The following GRID2 variants were observed in gnomAD, a reference collection of about 807,000 sequenced individuals.
GRID2 encodes the protein glutamate ionotropic receptor delta type subunit 2, also known as glutamate receptor ionotropic, delta-2.
GRID2 carries 33 observed loss-of-function variants against 114.8 expected under a neutral mutation model. The ratio of observed to expected loss-of-function variants is 0.29; its 90% CI spans 0.22 to 0.38. The LOEUF is 0.38. Among genes scored for constraint, GRID2 ranks in the 10% least tolerant of loss-of-function variants. The pLI is 1.00. For missense variants in GRID2, 1,184 were observed against 1,257.7 expected (o/e 0.94, Z 0.89); for synonymous variants, 505 against 449.9 (o/e 1.12, Z -1.55).
At chr4:93,125,710 A>G (rs1405454180) in intron 4 of GRID2, among the ~76,000 whole-genome samples, 1 of 152,194 alleles carries the variant, frequency 6.6e-6, no homozygotes, top group Non-Finnish European at 1.5e-5. Flanking sequence ...TGTAAGAAGT[A>G]GGTGAACACT....
chr4:92,398,443 G>C (rs560402008), intron 1 of GRID2, among the ~76,000 whole-genome samples: 5 of 152,156 alleles, frequency 3.3e-5, no homozygotes, highest in African/African-American at 1.2e-4. Context: ...TGGGACTACA[G>C]GGGTACACCA....
chr4:93,417,946 C>A (rs1767886636), intron 9 of GRID2, among the ~76,000 whole-genome samples: 1 of 150,394 alleles, frequency 6.6e-6, no homozygotes, highest in Admixed American at 6.7e-5. Context: ...GTTTGGTGCC[C>A]AGTATTCTTT....
chr4:92,857,170 C>A (rs1189691317), intron 2 of GRID2, among the ~76,000 whole-genome samples: 1 of 152,044 alleles, frequency 6.6e-6, no homozygotes, highest in African/African-American at 2.4e-5. Flanking sequence ...TTTCTTGAGA[C>A]AAAACAAGGT....
intron 1 of GRID2, among the ~76,000 whole-genome samples, chr4:92,441,951 G>T (rs1438559691): frequency 2.0e-5 from 3 of 151,750 alleles, no homozygotes; most frequent in Admixed American, 1.3e-4. Flanking sequence ...TAAGGGAACT[G>T]GGCAGGTGGG....
Position 93,326,701 on chromosome 4 carries a change from T to C in GRID2, c.1246-68906T>C, listed in dbSNP as rs74321196. On this transcript the variant is annotated intron_variant, in intron 8 of 15. Transcript: ENST00000282020. ...TACACCTCATGCTTCTTTATATGCT[T>C]TTGATCCCAGCTATTTTCTTCTGTT... is the stretch of plus-strand genomic sequence containing the variant. Among the ~76,000 whole-genome samples, 10 of 152,264 alleles carry C rather than the reference T, an allele frequency of 6.6e-5. No individual in the cohort carries two copies. The East Asian group carries it at 1.9e-3, about 29-fold the overall frequency.
chr4:92,860,654 A>G (rs1404623566), intron 2 of GRID2, among the ~76,000 whole-genome samples: 1 of 152,162 alleles, frequency 6.6e-6, no homozygotes, highest in Non-Finnish European at 1.5e-5. Context: ...GTTGAAAATG[A>G]GAGGAAAAGT....
At chr4:93,397,907 A>G (rs1445823420) in intron 9 of GRID2, among the ~76,000 whole-genome samples, 3 of 151,372 alleles carry the variant, frequency 2.0e-5, no homozygotes, top group African/African-American at 7.3e-5. Flanking sequence ...TTTTTTCCTA[A>G]TATTTTTGAG....
At chr4:92,305,329 G>A (rs1198753924) in intron 1 of GRID2, among the ~76,000 whole-genome samples, 1 of 152,140 alleles carries the variant, frequency 6.6e-6, no homozygotes, top group Admixed American at 6.5e-5. Flanking sequence ...TGATCCTTGC[G>A]TGTAGTCTTT....
At chr4:93,321,882 G>A (rs548592651) in intron 8 of GRID2, among the ~76,000 whole-genome samples, 11 of 151,474 alleles carry the variant, frequency 7.3e-5, no homozygotes, top group Middle Eastern at 3.4e-3. Context: ...CAATTAAAGC[G>A]TTGTTACTTA....
intron 10 of GRID2, among the ~76,000 whole-genome samples, chr4:93,425,789 G>A (rs369614176): frequency 7.9e-5 from 12 of 152,166 alleles, no homozygotes; most frequent in African/African-American, 2.4e-4. Flanking sequence ...GAGCTCTGTC[G>A]ACCCCATCCC....
intron 2 of GRID2, among the ~76,000 whole-genome samples, chr4:93,006,698 G>A (rs1721569710): frequency 6.6e-6 from 1 of 151,006 alleles, no homozygotes; most frequent in South Asian, 2.1e-4. Flanking sequence ...ACAAGACAAT[G>A]TTCATGAAGA....
At chr4:92,630,105 C>T (rs1449668533) in intron 2 of GRID2, among the ~76,000 whole-genome samples, 1 of 151,808 alleles carries the variant, frequency 6.6e-6, no homozygotes, top group Non-Finnish European at 1.5e-5. Flanking sequence ...TGTCTATGTT[C>T]CCACTGTGAA....
At chr4:93,702,929 G>A (rs1393761371) in intron 14 of GRID2, among the ~76,000 whole-genome samples, 2 of 152,056 alleles carry the variant, frequency 1.3e-5, no homozygotes, top group Non-Finnish European at 2.9e-5. Flanking sequence ...GGAATAAAGA[G>A]TGCTAGAATA....
chr4:92,528,029 C>G (rs780938379), intron 1 of GRID2, among the ~76,000 whole-genome samples: 35 of 151,964 alleles, frequency 2.3e-4, no homozygotes, highest in Non-Finnish European at 4.9e-4. Context: ...TAATTTGAAT[C>G]ACTGAATTTT....
At chr4:93,775,404 C>T (rs1355008237), downstream of GRID2, among the ~76,000 whole-genome samples, 1 of 152,180 alleles carries the variant, frequency 6.6e-6, no homozygotes, top group African/African-American at 2.4e-5. Flanking sequence ...TAGGCTCCAC[C>T]TTCTCCTCTC....
intron 14 of GRID2, among the ~76,000 whole-genome samples, chr4:93,725,617 C>T (rs1159909969): frequency 1.3e-5 from 2 of 149,880 alleles, no homozygotes; most frequent in Non-Finnish European, 1.5e-5. Flanking sequence ...AAAAGTGTTC[C>T]TATTTCTCCA....
intron 8 of GRID2, among the ~76,000 whole-genome samples, chr4:93,314,654 T>C (rs897652805): frequency 5.3e-5 from 8 of 152,066 alleles, no homozygotes; most frequent in African/African-American, 1.9e-4. Flanking sequence ...CTCTCCTCCT[T>C]TATTTTTTCT....
intron 14 of GRID2, among the ~76,000 whole-genome samples, chr4:93,645,388 G>T: frequency 6.6e-6 from 1 of 152,114 alleles, no homozygotes; most frequent in East Asian, 1.9e-4. Context: ...ATATGACAAA[G>T]AAATGACAAA....
In GRID2 at chr4:92,326,443, G is replaced by A. The variant is rs113646892; in HGVS notation, c.88+21699G>A. Reference sequence around the variant, plus strand: ...TGCCCACCTTTGGTGCCACTATCATGAATGTAATAAATAAATACAGTCTCC... The same window carrying A: ...TGCCCACCTTTGGTGCCACTATCATAAATGTAATAAATAAATACAGTCTCC... On this transcript the variant is annotated intron_variant, in intron 1 of 15. Coordinates refer to ENST00000282020, the MANE Select transcript of GRID2 (RefSeq NM_001510.4). Among the ~76,000 whole-genome samples, 964 of 151,902 alleles carry A rather than the reference G, an allele frequency of 6.3e-3. 11 individuals are homozygous for A. The highest frequency in any genetic ancestry group is 0.022 in the African/African-American group (911 of 41,470).
Sources: gnomAD v4.1 joint callset for allele counts (sites outside exome capture counted in the v4.1 genomes callset) on GRCh38, gnomAD v4.1.1 for gene constraint, MANE v1.5 for transcripts, NCBI Gene and HGNC (gene_info 2026-07-23, HGNC 2026-07-21) for gene names.